Variants in MSH3 observed in about 807,000 individuals in gnomAD.
The protein encoded by MSH3 is DNA mismatch repair protein Msh3.
A neutral mutation model predicts 123.3 loss-of-function variants in MSH3; 106 were observed. The ratio of observed to expected loss-of-function variants is 0.86; its 90% CI spans 0.73 to 1.01. The LOEUF is 1.01. Among genes scored for constraint, MSH3 ranks in the 50% least tolerant of loss-of-function variants. The probability of loss-of-function intolerance (pLI) is 0.00; values close to 1 mark genes in which losing one functional copy is unlikely to be tolerated. For synonymous variants in MSH3, 515 were observed against 481.4 expected (o/e 1.07, Z -0.91); for missense variants, 1,459 against 1,347.6 (o/e 1.08, Z -1.29).
chr5:80,803,421 C>T (rs1744827104), intron 19 of MSH3, among the ~76,000 whole-genome samples: 1 of 150,984 alleles, frequency 6.6e-6, no homozygotes, highest in African/African-American at 2.4e-5. Context: ...AATTTTTTTT[C>T]AGTTTTTTTC....
chr5:80,871,075 G>A (rs541033067), intron 22 of MSH3, among the ~76,000 whole-genome samples: 8 of 152,264 alleles, frequency 5.3e-5, no homozygotes, highest in African/African-American at 1.4e-4. Flanking sequence ...TCATGTGTAT[G>A]TATATATATG....
Position 80,693,513 on chromosome 5 carries a change from A to ATGCACATGTATATGTTTATATAAATG in MSH3, c.1340+14445_1340+14446insGTGCACATGTATATGTTTATATAAAT, listed in dbSNP as rs1229924960. On this transcript the variant is annotated intron_variant, in intron 8 of 23. Coordinates refer to ENST00000265081, the MANE Select transcript of MSH3 (RefSeq NM_002439.5). Reference sequence around the variant, plus strand: ...TGCACATGTATATGTTTATATAAATATGCACATGTATATGTTTATATAAAT... The same window carrying ATGCACATGTATATGTTTATATAAATG: ...TGCACATGTATATGTTTATATAAATATGCACATGTATATGTTTATATAAATGTGCACATGTATATGTTTATATAAAT... 3.3e-5 allele frequency among the ~76,000 whole-genome samples: 5 copies of ATGCACATGTATATGTTTATATAAATG among 150,198 alleles called. 1 individual carries two copies. The highest frequency in any genetic ancestry group is 1.2e-4 in the African/African-American group (5 of 40,338).
intron 13 of MSH3, among the ~76,000 whole-genome samples, chr5:80,766,426 G>C (rs1251718070): frequency 7.2e-6 from 1 of 139,518 alleles, no homozygotes; most frequent in African/African-American, 2.7e-5. Context: ...GCTCACTGCA[G>C]TCTCCGCCTT....
At position 80,876,235 on chromosome 5, in the gene MSH3, AATCT is replaced by A; in HGVS notation, c.*377_*380del. On this transcript the variant is annotated 3_prime_UTR_variant, in exon 24 of 24. Coordinates refer to ENST00000265081, the MANE Select transcript of MSH3 (RefSeq NM_002439.5). ...TTGGCAACTGGGTGAATCTGGCAGG[AATCT>A]ATCCATTGAACTAAAATAATTTTAT... 1 of 259,050 alleles carries A rather than the reference AATCT, an allele frequency of 3.9e-6. No homozygotes were observed. Among genetic ancestry groups the A allele is most frequent in the Non-Finnish European group, 7.4e-6 (1 of 135,068 alleles). The allele number at this position is 259,050 out of a possible 1,614,324, so 16.0% of individuals were successfully genotyped here. A position where few individuals can be genotyped will look rare whatever the true frequency, so the allele number is the denominator to read the frequency against.
chr5:80,821,609 T>G (rs1018179696), intron 20 of MSH3, among the ~76,000 whole-genome samples: 1 of 152,196 alleles, frequency 6.6e-6, no homozygotes, highest in Non-Finnish European at 1.5e-5. Context: ...TATGGGACAT[T>G]TTCCTGTGCT....
chr5:80,866,798 A>G (rs1451098952), intron 22 of MSH3, among the ~76,000 whole-genome samples: 3 of 152,186 alleles, frequency 2.0e-5, no homozygotes, highest in Non-Finnish European at 4.4e-5. Flanking sequence ...AAGTTTGGAG[A>G]CAAGTACATT....
intron 21 of MSH3, among the ~76,000 whole-genome samples, chr5:80,863,663 A>G (rs1746050685): frequency 6.6e-6 from 1 of 152,024 alleles, no homozygotes; most frequent in Non-Finnish European, 1.5e-5. Flanking sequence ...CGTCTCAAAA[A>G]AAAAAAAAAG....
At chr5:80,780,736 A>G (rs1025019336) in intron 17 of MSH3, among the ~76,000 whole-genome samples, 1 of 152,148 alleles carries the variant, frequency 6.6e-6, no homozygotes, top group African/African-American at 2.4e-5. Flanking sequence ...GTGTGGTGGC[A>G]TGTACCTGTA....
At chr5:80,824,796 G>A (rs1745264699) in intron 20 of MSH3, among the ~76,000 whole-genome samples, 1 of 152,124 alleles carries the variant, frequency 6.6e-6, no homozygotes, top group African/African-American at 2.4e-5. Context: ...ATATGTGGGA[G>A]ACATATTTCT....
intron 19 of MSH3, among the ~76,000 whole-genome samples, chr5:80,803,322 A>G (rs1316346869): frequency 1.3e-5 from 2 of 152,088 alleles, no homozygotes; most frequent in Non-Finnish European, 2.9e-5. Flanking sequence ...CATTTCTCTG[A>G]TGATCAATCA....
chr5:80,804,105 T>G (rs1391128534), intron 19 of MSH3, among the ~76,000 whole-genome samples: 1 of 152,264 alleles, frequency 6.6e-6, no homozygotes, highest in African/African-American at 2.4e-5. Context: ...GTCATTGGTC[T>G]TTTAATAGGG....
At chr5:80,813,816 T>G in intron 20 of MSH3, 75 bp downstream of exon 20, 1 of 1,507,848 alleles carries the variant, frequency 6.6e-7, no homozygotes, top group Non-Finnish European at 9.2e-7. Context: ...ATTTTCCTTT[T>G]GTGTACATAT....
At chr5:80,857,305 TTTATTGA>T (rs1468606722) in intron 21 of MSH3, among the ~76,000 whole-genome samples, 6 of 152,352 alleles carry the variant, frequency 3.9e-5, no homozygotes, top group Non-Finnish European at 7.3e-5. Context: ...TTGCTAATAT[TTTATTGA>T]GGATTTTTGC....
At chr5:80,755,019 G>A (rs549007330) in intron 12 of MSH3, among the ~76,000 whole-genome samples, 1 of 152,146 alleles carries the variant, frequency 6.6e-6, no homozygotes, top group Non-Finnish European at 1.5e-5. Context: ...GCCAGCAACC[G>A]GGTGTTCACT....
chr5:80,779,217 T>C (rs539428730), intron 17 of MSH3, among the ~76,000 whole-genome samples: 5 of 152,026 alleles, frequency 3.3e-5, no homozygotes, highest in Non-Finnish European at 7.4e-5. Flanking sequence ...GATGTTGTAC[T>C]CCTGACCTCA....
At chr5:80,813,826 T>C in intron 20 of MSH3, 85 bp downstream of exon 20, 1 of 1,421,850 alleles carries the variant, frequency 7.0e-7, no homozygotes, top group Non-Finnish European at 9.9e-7. Flanking sequence ...TGTGTACATA[T>C]TTAGATGCTC....
At chr5:80,837,441 T>G (rs1478999727) in intron 20 of MSH3, among the ~76,000 whole-genome samples, 1 of 152,022 alleles carries the variant, frequency 6.6e-6, no homozygotes, top group African/African-American at 2.4e-5. Flanking sequence ...TAGCCAGGCA[T>G]GGTGGTGCAC....
At chr5:80,775,600 A>G (rs1744283536) in intron 15 of MSH3, 94 bp from the exon 16 acceptor site, 1 of 734,230 alleles carries the variant, frequency 1.4e-6, no homozygotes, top group Non-Finnish European at 2.4e-6. Context: ...GTGTTTAACA[A>G]TATATAATAA....
In MSH3 at chr5:80,876,699, A is replaced by G. The variant is rs1190645806; in HGVS notation, c.*837A>G. Among the ~76,000 whole-genome samples the G allele has an allele frequency of 6.6e-6, 1 of 152,096 alleles. No individual in the cohort carries two copies. The highest frequency in any genetic ancestry group is 2.4e-5 in the African/African-American group (1 of 41,410). ...TTAAAAACTAGAGCACAGAAGGAAT[A>G]AGGTCATGAAATTTAAAAGGTTAAA... On this transcript the variant is annotated 3_prime_UTR_variant, in exon 24 of 24. Transcript: ENST00000265081.
Sources: gnomAD v4.1 joint callset for allele counts (sites outside exome capture counted in the v4.1 genomes callset) on GRCh38, gnomAD v4.1.1 for gene constraint, MANE v1.5 for transcripts, NCBI Gene and HGNC (gene_info 2026-07-23, HGNC 2026-07-21) for gene names.